VPS37C: variants seen among roughly 807,000 people sequenced by gnomAD.
VPS37C encodes the protein vacuolar protein sorting-associated protein 37C.
A neutral mutation model predicts 16.1 loss-of-function variants in VPS37C; 9 were observed. The ratio of observed to expected loss-of-function variants is 0.56; its 90% CI spans 0.34 to 0.97. The LOEUF is 0.97. Among genes scored for constraint, VPS37C ranks in the 50% least tolerant of loss-of-function variants. The probability of loss-of-function intolerance (pLI) is 0.02; values close to 1 mark genes in which losing one functional copy is unlikely to be tolerated. For synonymous variants in VPS37C, 207 were observed against 206.4 expected (o/e 1.00, Z -0.02); for missense variants, 479 against 472.7 (o/e 1.01, Z -0.12).
intron 1 of VPS37C, among the ~76,000 whole-genome samples, chr11:61,146,711 G>A (rs1565194878): frequency 2.0e-5 from 3 of 152,366 alleles, no homozygotes; most frequent in South Asian, 2.1e-4. Flanking sequence ...AGAAAGCTAT[G>A]CGTGAGCCAG....
In VPS37C at chr11:61,133,270, G is replaced by T; in HGVS notation, c.333C>A (p.Ile111=). ...LDLLQVEGMK[I]EEESEAMAEK... ...GCCCTCTCACCTCGGACTCTTCTTC[G>T]ATCTTCATGCCTTCCACCTGCAGAA... is the stretch of plus-strand genomic sequence containing the variant. The change falls in exon 4 of 5, where the codon ATC becomes ATA. Residue 111 remains isoleucine, a synonymous_variant. Transcript: ENST00000301765. The T allele has an allele frequency of 6.2e-7, 1 of 1,614,110 alleles. No homozygotes were observed. Among genetic ancestry groups the T allele is most frequent in the Non-Finnish European group, 8.5e-7 (1 of 1,180,016 alleles).
Position 61,141,773 on chromosome 11 carries a change from T to C in VPS37C, c.-6-2938A>G, listed in dbSNP as rs572912960. On this transcript the variant is annotated intron_variant, in intron 1 of 4. Coordinates refer to ENST00000301765, the MANE Select transcript of VPS37C (RefSeq NM_017966.5). The stretch of plus-strand genomic sequence containing the variant: ...TGCAGGGCCACAGCAGCTGCACCCA[T>C]ATCGGCTCCACCCAAGGGGAGGCCC... 8.5e-5 allele frequency among the ~76,000 whole-genome samples: 13 copies of C among 152,314 alleles called. No homozygotes were observed. The South Asian group carries it at 2.7e-3, about 32-fold the overall frequency.
In VPS37C at chr11:61,134,195, G is replaced by A. The variant is rs1257963820; in HGVS notation, c.106C>T (p.Gln36Ter). ...ALESPEVQDL[Q>*]LEREMALATN... is the part of the protein sequence containing the mutation. ...GCCAGTGCCATCTCCCGTTCCAGCT[G>A]TAGGTCCTGGACCTAAAAGGGCAGG... The change falls in exon 3 of 5, where the codon CAG becomes TAG. Residue 36 changes from glutamine to a stop codon, truncating the protein, a stop_gained. Coordinates refer to ENST00000301765, the MANE Select transcript of VPS37C (RefSeq NM_017966.5). LOFTEE classifies it high-confidence loss of function. The A allele has an allele frequency of 1.9e-6, 3 of 1,613,236 alleles. No individual in the cohort carries two copies. The highest frequency in any genetic ancestry group is 1.7e-5 in the Admixed American group (1 of 59,990).
At chr11:61,135,647 C>G (rs978043464) in intron 2 of VPS37C, among the ~76,000 whole-genome samples, 1 of 152,182 alleles carries the variant, frequency 6.6e-6, no homozygotes, top group Non-Finnish European at 1.5e-5. Context: ...GTTGCCCAGG[C>G]TGGCCTCAAA....
At chr11:61,155,171 C>T (rs1381467574) in intron 1 of VPS37C, among the ~76,000 whole-genome samples, 1 of 149,950 alleles carries the variant, frequency 6.7e-6, no homozygotes, top group Non-Finnish European at 1.5e-5. Context: ...AGATACATTA[C>T]AAACAGAAGA....
rs183720104 is a variant in VPS37C at position 61,135,387 on chromosome 11, C to A, written c.94-1180G>T. On this transcript the variant is annotated intron_variant, in intron 2 of 4. Coordinates refer to ENST00000301765, the MANE Select transcript of VPS37C (RefSeq NM_017966.5). Reference sequence around the variant, plus strand: ...CCCTCCCTGAGCCCTCCAGACAAGGCTGCCAGGGTTCAGGGATGTAGGGCC... The same window carrying A: ...CCCTCCCTGAGCCCTCCAGACAAGGATGCCAGGGTTCAGGGATGTAGGGCC... Among the ~76,000 whole-genome samples, 279 of 152,352 alleles carry A rather than the reference C, an allele frequency of 1.8e-3. 3 individuals are homozygous for A. The highest frequency in any genetic ancestry group is 6.5e-3 in the African/African-American group (270 of 41,590).
At position 61,138,610 on chromosome 11, in the gene VPS37C, G is replaced by A. The variant is rs558505604; in HGVS notation, c.93+127C>T. On this transcript the variant is annotated intron_variant, in intron 2 of 4. Transcript: ENST00000301765. ...AGGGATTCCTCTGAGTCCAAACCAG[G>A]ATGAAGTTCACAGAAAAGGGAGATG... The A allele has an allele frequency of 4.1e-5, 34 of 820,972 alleles. No homozygotes were observed. In the Admixed American group the frequency reaches 6.6e-4, roughly 16 times the overall value. The allele number at this position is 820,972 out of a possible 1,614,324, so 50.9% of individuals were successfully genotyped here.
intron 4 of VPS37C, chr11:61,132,982 G>A: frequency 1.8e-6 from 1 of 567,912 alleles, no homozygotes; most frequent in South Asian, 1.9e-5. Context: ...GCTGGCCTCA[G>A]CCCCTGGGGG....
At chr11:61,153,356 C>T (rs1425385288) in intron 1 of VPS37C, among the ~76,000 whole-genome samples, 1 of 152,240 alleles carries the variant, frequency 6.6e-6, no homozygotes, top group African/African-American at 2.4e-5. Context: ...ATGATTGTAA[C>T]TTTCCTGAGG....
intron 1 of VPS37C, among the ~76,000 whole-genome samples, chr11:61,147,199 G>T (rs142243220): frequency 7.4e-4 from 113 of 152,250 alleles, no homozygotes; most frequent in African/African-American, 2.6e-3. Flanking sequence ...AGGTGATAAA[G>T]ACATCCCACA....
chr11:61,155,850 C>T (rs1168924894), intron 1 of VPS37C, among the ~76,000 whole-genome samples: 1 of 152,178 alleles, frequency 6.6e-6, no homozygotes, highest in Non-Finnish European at 1.5e-5. Flanking sequence ...ACATTTTCAT[C>T]TCCTTAAAAA....
At chr11:61,143,012 TG>T (rs1861501071) in intron 1 of VPS37C, among the ~76,000 whole-genome samples, 1 of 143,880 alleles carries the variant, frequency 7.0e-6, no homozygotes, top group African/African-American at 2.6e-5. Context: ...GATGAGACTC[TG>T]GGGCCAGACT....
At chr11:61,137,358 C>T (rs767269959) in intron 2 of VPS37C, among the ~76,000 whole-genome samples, 19 of 152,054 alleles carry the variant, frequency 1.2e-4, no homozygotes, top group Admixed American at 6.5e-4. Context: ...GTTTTTTCCC[C>T]TCAGAGAGTT....
intron 1 of VPS37C, chr11:61,143,362 A>ATTTTTTTTT (rs779076399): frequency 3.8e-5 from 2 of 52,246 alleles, no homozygotes; most frequent in Non-Finnish European, 6.3e-5. Context: ...AGGATTCTTA[A>ATTTTTTTTT]TTTTTTTTTT....
chr11:61,157,895 A>C, intron 1 of VPS37C, among the ~76,000 whole-genome samples: 1 of 152,178 alleles, frequency 6.6e-6, no homozygotes, highest in South Asian at 2.1e-4. Context: ...TTGCTCTCTT[A>C]GTTCACATGA....
At position 61,131,751 on chromosome 11, in the gene VPS37C, C is replaced by A; in HGVS notation, c.*69G>T. The A allele has an allele frequency of 8.1e-7, 1 of 1,235,442 alleles. No homozygotes were observed. Among genetic ancestry groups the A allele is most frequent in the Non-Finnish European group, 1.0e-6 (1 of 989,208 alleles). 76.5% of individuals were successfully genotyped at this position (1,235,442 alleles called of 1,614,324 possible). A position where few individuals can be genotyped will look rare whatever the true frequency, so the allele number is the denominator to read the frequency against. ...CGCCACTTCCAGTTGACCCTCGAAT[C>A]TCGGCGATGGCTGGGCCAAAGGTTG... On this transcript the variant is annotated 3_prime_UTR_variant, in exon 5 of 5. Transcript: ENST00000301765.
chr11:61,149,849 GAAGACTC>G lies in VPS37C; in HGVS notation c.-6-11021_-6-11015del, dbSNP rs1853270985. Among the ~76,000 whole-genome samples, 3 of 152,278 alleles carry G rather than the reference GAAGACTC, an allele frequency of 2.0e-5. No individual in the cohort carries two copies. In the South Asian group the frequency reaches 6.2e-4, roughly 32 times the overall value. The stretch of plus-strand genomic sequence containing the variant: ...GTCCAGAGGCAGGGCCGTCAAGTGA[GAAGACTC>G]AAGAATAATAAGCCCATTCACTGTG... On this transcript the variant is annotated intron_variant, in intron 1 of 4. Coordinates refer to ENST00000301765, the MANE Select transcript of VPS37C (RefSeq NM_017966.5).
chr11:61,138,869 G>A, intron 1 of VPS37C, 34 bp from the exon 2 acceptor site: 1 of 1,605,522 alleles, frequency 6.2e-7, no homozygotes, highest in Non-Finnish European at 8.5e-7. Flanking sequence ...TAACGAACAG[G>A]CAGCCCAAGA....
Position 61,130,529 on chromosome 11 carries a change from G to C in VPS37C, c.*1291C>G, listed in dbSNP as rs145427700. ...CCACCAGATGCTGCGTCCTCAGGTA[G>C]TGGACATTTCAAGGCACGTACAACT... On this transcript the variant is annotated 3_prime_UTR_variant, in exon 5 of 5. Coordinates refer to ENST00000301765, the MANE Select transcript of VPS37C (RefSeq NM_017966.5). 4.2e-6 allele frequency: 1 copy of C among 235,666 alleles called. No homozygotes were observed. Among genetic ancestry groups the C allele is most frequent in the Non-Finnish European group, 8.3e-6 (1 of 120,734 alleles). The allele number at this position is 235,666 out of a possible 1,614,324, so 14.6% of individuals were successfully genotyped here.
Sources: allele counts gnomAD v4.1 joint callset (sites outside exome capture counted in the v4.1 genomes callset), GRCh38; gene constraint gnomAD v4.1.1; transcripts MANE v1.5; gene names NCBI Gene and HGNC (gene_info 2026-07-23, HGNC 2026-07-21).